Variants in APP observed in about 807,000 individuals in gnomAD.
APP encodes amyloid beta precursor protein.
A neutral mutation model predicts 101.4 loss-of-function variants in APP; 31 were observed. That is an observed-to-expected ratio of 0.31 (90% CI 0.23 to 0.41). APP has a LOEUF of 0.41. Ranked by LOEUF, APP falls within the 10% of genes least tolerant of loss-of-function variation. The pLI is 1.00. For missense variants in APP, 839 were observed against 1,003.7 expected (o/e 0.84, Z 2.22); for synonymous variants, 366 against 364.4 (o/e 1.00, Z -0.05).
At chr21:25,897,123 C>CT (rs34725553) in intron 16 of APP, among the ~76,000 whole-genome samples, 18,695 of 151,376 alleles carry the variant, frequency 0.12, 1,307 homozygotes, top group African/African-American at 0.19. Flanking sequence ...CATACAGCCT[C>CT]TTTCTTTTCT....
Position 26,036,933 on chromosome 21 carries a change from T to C in APP, c.662+14067A>G, listed in dbSNP as rs544158064. 2.2e-4 allele frequency among the ~76,000 whole-genome samples: 34 copies of C among 152,230 alleles called. 1 individual carries two copies. Among genetic ancestry groups the C allele is most frequent in the Middle Eastern group, 3.4e-3 (1 of 294 alleles). On this transcript the variant is annotated intron_variant, in intron 5 of 17. Coordinates refer to ENST00000346798, the MANE Select transcript of APP (RefSeq NM_000484.4). ...ACAATAGCCAAGATATGGAATAACC[T>C]AGATGTCCAAAGAGACTAATGGATG...
At chr21:25,910,398 G>A (rs1370991964) in intron 14 of APP, among the ~76,000 whole-genome samples, 2 of 152,250 alleles carry the variant, frequency 1.3e-5, no homozygotes, top group Non-Finnish European at 2.9e-5. Context: ...CCTAAGTCCT[G>A]CGATTACAGG....
At chr21:26,155,341 A>C (rs182694080) in intron 1 of APP, among the ~76,000 whole-genome samples, 32 of 152,312 alleles carry the variant, frequency 2.1e-4, no homozygotes, top group African/African-American at 7.5e-4. Flanking sequence ...TGAAAAAATA[A>C]TGTATTTCAT....
chr21:26,097,157 T>A (rs536312437), intron 2 of APP, among the ~76,000 whole-genome samples: 2 of 152,308 alleles, frequency 1.3e-5, no homozygotes, highest in African/African-American at 4.8e-5. Context: ...CACCACATGA[T>A]GCCCTCAATC....
intron 5 of APP, among the ~76,000 whole-genome samples, chr21:26,022,833 A>G (rs1417056258): frequency 6.7e-6 from 1 of 150,290 alleles, no homozygotes; most frequent in Admixed American, 6.6e-5. Flanking sequence ...TAAACTGGAC[A>G]CACAGGTGGA....
At chr21:25,949,230 C>G (rs190632725) in intron 13 of APP, among the ~76,000 whole-genome samples, 58 of 152,236 alleles carry the variant, frequency 3.8e-4, no homozygotes, top group South Asian at 1.5e-3. Context: ...AAAATTCACA[C>G]TTATTTGTCA....
intron 3 of APP, among the ~76,000 whole-genome samples, chr21:26,078,827 T>C (rs1246489805): frequency 1.3e-5 from 2 of 152,144 alleles, no homozygotes; most frequent in African/African-American, 4.8e-5. Flanking sequence ...GCGGATCACC[T>C]GAGGTCGGGA....
In APP at chr21:26,011,443, CAG is replaced by C. The variant is rs538451644; in HGVS notation, c.865+10395_865+10396del. On this transcript the variant is annotated intron_variant, in intron 6 of 17. Transcript: ENST00000346798. ...ACACCATAGCCCAGTGTTTTGCAAC[CAG>C]AGAGAGTCTATCCCCTACTCCTCCC... is the stretch of plus-strand genomic sequence containing the variant. 1.2e-4 allele frequency among the ~76,000 whole-genome samples: 18 copies of C among 152,172 alleles called. No individual in the cohort carries two copies. In the South Asian group the frequency reaches 3.5e-3, roughly 30 times the overall value.
intron 5 of APP, among the ~76,000 whole-genome samples, chr21:26,050,616 T>C (rs1257643622): frequency 2.0e-5 from 3 of 152,038 alleles, no homozygotes; most frequent in Non-Finnish European, 4.4e-5. Flanking sequence ...AAACCAAACC[T>C]TTAACGAAAA....
At position 26,112,114 on chromosome 21, in the gene APP, A is replaced by G; in HGVS notation, c.90T>C (p.Ala30=). The G allele has an allele frequency of 4.3e-6, 7 of 1,614,162 alleles. No homozygotes were observed. The highest frequency in any genetic ancestry group is 5.9e-6 in the Non-Finnish European group (7 of 1,180,006). ...CACAGAACATGGCAATCTGGGGTTC[A>G]GCCAGCAGGCCAGCATTACCATCAG... The part of the protein sequence containing the change: ...VPTDGNAGLL[A]EPQIAMFCGR... Residue 30 remains alanine, a synonymous_variant, in exon 2 of 18, where the codon GCT becomes GCC. Coordinates refer to ENST00000346798, the MANE Select transcript of APP (RefSeq NM_000484.4).
At chr21:26,071,587 C>T (rs1369916621) in intron 3 of APP, among the ~76,000 whole-genome samples, 1 of 152,114 alleles carries the variant, frequency 6.6e-6, no homozygotes, top group Non-Finnish European at 1.5e-5. Context: ...AATGTAGTTC[C>T]TGTCTTTCAT....
At chr21:26,088,642 G>C (rs550781057) in intron 3 of APP, among the ~76,000 whole-genome samples, 2 of 152,062 alleles carry the variant, frequency 1.3e-5, no homozygotes, top group African/African-American at 4.8e-5. Flanking sequence ...CAGTTCCTGG[G>C]GACAGATGAC....
At chr21:25,987,925 G>T (rs2042698082) in intron 8 of APP, among the ~76,000 whole-genome samples, 1 of 152,110 alleles carries the variant, frequency 6.6e-6, no homozygotes, top group Non-Finnish European at 1.5e-5. Flanking sequence ...ATTACCACAA[G>T]AATTTTTTAA....
chr21:26,034,455 T>C (rs1382208760), intron 5 of APP, among the ~76,000 whole-genome samples: 1 of 151,688 alleles, frequency 6.6e-6, no homozygotes, highest in Non-Finnish European at 1.5e-5. Flanking sequence ...CCATCCTGGC[T>C]AACACAGTGA....
chr21:26,128,100 C>A (rs1023572264), intron 1 of APP, among the ~76,000 whole-genome samples: 4 of 152,158 alleles, frequency 2.6e-5, no homozygotes, highest in Admixed American at 2.0e-4. Flanking sequence ...AATAGACAAT[C>A]TTTCCTTGTT....
chr21:26,136,177 G>GA lies in APP; in HGVS notation c.58-24032dup, dbSNP rs1287895750. 7.5e-4 allele frequency among the ~76,000 whole-genome samples: 68 copies of GA among 90,620 alleles called. 1 individual carries two copies. The highest frequency in any genetic ancestry group is 3.3e-3 in the South Asian group (9 of 2,718). The allele number at this position is 90,620 out of a possible 152,430, so 59.5% of individuals were successfully genotyped here. On this transcript the variant is annotated intron_variant, in intron 1 of 17. Coordinates refer to ENST00000346798, the MANE Select transcript of APP (RefSeq NM_000484.4). Reference sequence around the variant, plus strand: ...AAGAAAAGAAAAGAAAGAAAAGAAAGAAAGAAAGAAAGAAAGAAAGAAAGA... The same window carrying GA: ...AAGAAAAGAAAAGAAAGAAAAGAAAGAAAAGAAAGAAAGAAAGAAAGAAAGA...
intron 5 of APP, among the ~76,000 whole-genome samples, chr21:26,025,956 T>C (rs190957588): frequency 6.6e-6 from 1 of 152,314 alleles, no homozygotes; most frequent in East Asian, 1.9e-4. Flanking sequence ...ACAACAACAT[T>C]ACAACTTTTA....
intron 3 of APP, among the ~76,000 whole-genome samples, chr21:26,081,992 TG>T (rs1173366226): frequency 6.6e-6 from 1 of 152,114 alleles, no homozygotes; most frequent in East Asian, 1.9e-4. Context: ...CCAAGATGGG[TG>T]GATCACCTGA....
At chr21:26,005,787 C>T (rs2043505502) in intron 6 of APP, among the ~76,000 whole-genome samples, 2 of 152,164 alleles carry the variant, frequency 1.3e-5, no homozygotes, top group South Asian at 2.1e-4. Flanking sequence ...CAGCAAAAAA[C>T]CTGTTTCACA....
Sources: gnomAD v4.1 joint callset for allele counts (sites outside exome capture counted in the v4.1 genomes callset) on GRCh38, gnomAD v4.1.1 for gene constraint, MANE v1.5 for transcripts, NCBI Gene and HGNC (gene_info 2026-07-23, HGNC 2026-07-21) for gene names.